The following MEMO1 variants were observed in gnomAD, a reference collection of about 807,000 sequenced individuals.
The protein encoded by MEMO1 is protein MEMO1.
MEMO1 carries 6 observed loss-of-function variants against 45.2 expected under a neutral mutation model. The ratio of observed to expected loss-of-function variants is 0.13; its 90% confidence interval spans 0.07 to 0.26. MEMO1 has a LOEUF of 0.26. MEMO1 is among the 10% of genes least tolerant of loss of function. MEMO1 has a pLI of 1.00. For missense variants in MEMO1, 184 were observed against 370.5 expected (o/e 0.50, Z 4.13); for synonymous variants, 78 against 124.3 (o/e 0.63, Z 2.48).
chr2:31,972,465 C>T (rs796376415), intron 2 of MEMO1, among the ~76,000 whole-genome samples: 46 of 152,254 alleles, frequency 3.0e-4, no homozygotes, highest in African/African-American at 1.1e-3. Context: ...AATCCCAGCA[C>T]TTTGGGAGGC....
At chr2:31,869,474 A>T (rs1165611693) in intron 9 of MEMO1, among the ~76,000 whole-genome samples, 1 of 152,116 alleles carries the variant, frequency 6.6e-6, no homozygotes, top group African/African-American at 2.4e-5. Context: ...GTTTAAGAGC[A>T]GAATCTTCCA....
intron 2 of MEMO1, among the ~76,000 whole-genome samples, chr2:31,953,492 G>A (rs1047145460): frequency 4.1e-5 from 6 of 145,512 alleles, no homozygotes; most frequent in Admixed American, 1.4e-4. Flanking sequence ...GTCTCGCTCT[G>A]TCACCCAGGC....
chr2:31,907,961 GAA>G (rs1465675546), intron 6 of MEMO1, among the ~76,000 whole-genome samples: 1 of 152,148 alleles, frequency 6.6e-6, no homozygotes, highest in East Asian at 1.9e-4. Flanking sequence ...AGAGACATCA[GAA>G]AAGAGTCTCT....
chr2:31,914,961 T>TG, intron 6 of MEMO1, among the ~76,000 whole-genome samples: 1 of 120,226 alleles, frequency 8.3e-6, no homozygotes, highest in South Asian at 2.8e-4. Flanking sequence ...TGTCTCTTTT[T>TG]AAAAAAAAAA....
chr2:31,983,048 C>T (rs890352404), intron 2 of MEMO1, among the ~76,000 whole-genome samples: 4 of 151,400 alleles, frequency 2.6e-5, no homozygotes, highest in African/African-American at 9.7e-5. Context: ...AGACCAGCCT[C>T]GCCAGCACGG....
intron 4 of MEMO1, among the ~76,000 whole-genome samples, chr2:31,925,499 A>AAAAAAAAAG (rs1558507966): frequency 6.7e-6 from 1 of 149,376 alleles, no homozygotes; most frequent in East Asian, 1.9e-4. Flanking sequence ...AAAAAAAAAA[A>AAAAAAAAAG]TCTGTTCCCG....
chr2:31,996,842 T>C (rs189421018), intron 2 of MEMO1, among the ~76,000 whole-genome samples: 2 of 152,206 alleles, frequency 1.3e-5, no homozygotes, highest in East Asian at 3.9e-4. Flanking sequence ...GCAATCATCC[T>C]GCCTCAGACT....
At position 31,923,806 on chromosome 2, in the gene MEMO1, CTAAG is replaced by C. The variant is rs528044991; in HGVS notation, c.213-2900_213-2897del. 123 of 1,475,010 alleles carry C rather than the reference CTAAG, an allele frequency of 8.3e-5. 1 individual carries two copies. The South Asian group carries it at 1.5e-3, about 18-fold the overall frequency. 91.4% of individuals were successfully genotyped at this position (1,475,010 alleles called of 1,614,324 possible). On this transcript the variant is annotated intron_variant, in intron 4 of 9. Coordinates refer to ENST00000404530, the MANE Select transcript of MEMO1 (RefSeq NM_001301833.4). ...TAAATTCAAGGCATACATAAATTTCCTAAGTAAGTGTAATAAGGTTCTAACAATA... is the reference window on the plus strand; with the variant it reads ...TAAATTCAAGGCATACATAAATTTCCTAAGTGTAATAAGGTTCTAACAATA...
intron 2 of MEMO1, among the ~76,000 whole-genome samples, chr2:31,985,891 G>A (rs1266866393): frequency 9.2e-5 from 14 of 152,166 alleles, no homozygotes; most frequent in Admixed American, 8.5e-4. Context: ...CACTTTGGGA[G>A]GCCAAGATGG....
intron 2 of MEMO1, among the ~76,000 whole-genome samples, chr2:31,977,258 A>G (rs1670111406): frequency 6.6e-6 from 1 of 152,190 alleles, no homozygotes; most frequent in Admixed American, 6.6e-5. Context: ...ACCTAGGTTA[A>G]GCAGTTTGCT....
intron 2 of MEMO1, among the ~76,000 whole-genome samples, chr2:31,950,240 G>A (rs1412570570): frequency 6.6e-6 from 1 of 151,626 alleles, no homozygotes; most frequent in Admixed American, 6.6e-5. Context: ...AAGCAGCTGA[G>A]CATGATGACA....
chr2:31,919,026 T>A (rs920112080), intron 5 of MEMO1, among the ~76,000 whole-genome samples: 1 of 152,082 alleles, frequency 6.6e-6, no homozygotes, highest in Non-Finnish European at 1.5e-5. Context: ...ATTGCTAATA[T>A]TGTGTGATAC....
At chr2:31,977,617 G>A (rs1398652877) in intron 2 of MEMO1, among the ~76,000 whole-genome samples, 41 of 152,188 alleles carry the variant, frequency 2.7e-4, no homozygotes, top group Admixed American at 2.6e-3. Context: ...AGGTACAAGC[G>A]ATTCTCCTGC....
At chr2:31,997,599 G>C (rs1672759487) in intron 2 of MEMO1, among the ~76,000 whole-genome samples, 1 of 152,084 alleles carries the variant, frequency 6.6e-6, no homozygotes, top group African/African-American at 2.4e-5. Context: ...TCAATCTTAT[G>C]AAGTATCTGA....
At chr2:31,894,667 T>C (rs1385466069) in intron 6 of MEMO1, among the ~76,000 whole-genome samples, 4 of 152,126 alleles carry the variant, frequency 2.6e-5, no homozygotes, top group African/African-American at 9.7e-5. Context: ...CAGGGGAAGC[T>C]GGAAACCTGA....
intron 4 of MEMO1, among the ~76,000 whole-genome samples, chr2:31,925,492 A>AAAAAAAG (rs1351693890): frequency 7.5e-6 from 1 of 133,846 alleles, no homozygotes; most frequent in African/African-American, 2.6e-5. Flanking sequence ...AAAAAAAAAA[A>AAAAAAAG]AAAAAAATCT....
At chr2:31,951,911 A>C (rs1404516966) in intron 2 of MEMO1, among the ~76,000 whole-genome samples, 1 of 152,196 alleles carries the variant, frequency 6.6e-6, no homozygotes, top group Non-Finnish European at 1.5e-5. Context: ...TACTATGATC[A>C]CACACTTGGA....
intron 2 of MEMO1, among the ~76,000 whole-genome samples, chr2:31,943,707 T>C (rs1266953892): frequency 6.6e-6 from 1 of 152,212 alleles, no homozygotes; most frequent in Non-Finnish European, 1.5e-5. Flanking sequence ...ACTCTCAGTG[T>C]ATGAAGAGGA....
At position 31,920,780 on chromosome 2, in the gene MEMO1, A is replaced by C; in HGVS notation, c.325+18T>G. 7.1e-7 allele frequency: 1 copy of C among 1,408,580 alleles called. No individual in the cohort carries two copies. Among genetic ancestry groups the C allele is most frequent in the Non-Finnish European group, 9.6e-7 (1 of 1,041,936 alleles). The allele number at this position is 1,408,580 out of a possible 1,614,324, so 87.3% of individuals were successfully genotyped here. On this transcript the variant is annotated intron_variant, in intron 5 of 9. Transcript: ENST00000404530. Reference sequence around the variant, plus strand: ...GAACATTAGCTATTTGAAAGCTATAATATTTCTATATACTTACTCTTTTGG... The same window carrying C: ...GAACATTAGCTATTTGAAAGCTATACTATTTCTATATACTTACTCTTTTGG...
Sources: gnomAD v4.1 joint callset for allele counts (sites outside exome capture counted in the v4.1 genomes callset) on GRCh38, gnomAD v4.1.1 for gene constraint, MANE v1.5 for transcripts, NCBI Gene and HGNC (gene_info 2026-07-23, HGNC 2026-07-21) for gene names.